Variants in RRAS2 observed in about 807,000 individuals in gnomAD.
The protein encoded by RRAS2 is ras-related protein R-Ras2.
RRAS2 carries 7 observed loss-of-function variants against 27.6 expected under a neutral mutation model. The ratio of observed to expected loss-of-function variants is 0.25; its 90% CI spans 0.14 to 0.48. The LOEUF (loss-of-function observed/expected upper bound fraction) is 0.48, where lower values mean the gene tolerates loss of function less well. Among genes scored for constraint, RRAS2 ranks in the 20% least tolerant of loss-of-function variants. RRAS2 has a pLI of 0.99. For missense variants in RRAS2, 178 were observed against 256.2 expected, an observed-to-expected ratio of 0.69 and a Z score of 2.08; for synonymous variants, 86 against 90.9, an observed-to-expected ratio of 0.95 and a Z score of 0.31.
At chr11:14,313,908 A>G (rs1453802432) in intron 1 of RRAS2, among the ~76,000 whole-genome samples, 1 of 152,216 alleles carries the variant, frequency 6.6e-6, no homozygotes, top group Admixed American at 6.5e-5. Flanking sequence ...ACACATCTAA[A>G]ATAGTCATTT....
intron 1 of RRAS2, among the ~76,000 whole-genome samples, chr11:14,319,927 CAACTA>C (rs1848190439): frequency 6.6e-6 from 1 of 152,076 alleles, no homozygotes. Flanking sequence ...CGTTATAAAA[CAACTA>C]AACAACTCAA....
intron 1 of RRAS2, chr11:14,337,223 T>C (rs1459697999): frequency 6.6e-6 from 1 of 152,268 alleles, no homozygotes; most frequent in East Asian, 1.9e-4. Flanking sequence ...AGTAGCCTGA[T>C]GAAATCTCAC....
At chr11:14,329,007 GTGTGTA>G (rs1299939645) in intron 1 of RRAS2, among the ~76,000 whole-genome samples, 132 of 55,386 alleles carry the variant, frequency 2.4e-3, no homozygotes, top group African/African-American at 5.8e-3. Context: ...GTGTGTGTGT[GTGTGTA>G]TATATATATA....
intron 4 of RRAS2, among the ~76,000 whole-genome samples, chr11:14,293,124 A>AATTATATATATATATATATAT (rs1847451804): frequency 1.3e-5 from 1 of 76,822 alleles, no homozygotes; most frequent in African/African-American, 6.3e-5. Flanking sequence ...AAACAAAACA[A>AATTATATATATATATATATAT]ATATATATAT....
At chr11:14,280,687 C>A (rs1849503270) in intron 5 of RRAS2, among the ~76,000 whole-genome samples, 1 of 128,668 alleles carries the variant, frequency 7.8e-6, no homozygotes. Flanking sequence ...GATCACACCA[C>A]TGCACTCCAG....
chr11:14,358,902 C>T lies in RRAS2; in HGVS notation c.-32G>A, dbSNP rs1849141841. On this transcript the variant is annotated 5_prime_UTR_variant, in exon 1 of 6. Transcript: ENST00000256196. The surrounding 1 kb of genome is among the most constrained non-coding windows in gnomAD (Gnocchi z 5.1). Reference sequence around the variant, plus strand: ...GCTACAGAGCCCAGCCTGACTGCGCCGAGCCGCCGCTGCCGCCCGCCCTAG... The same window carrying T: ...GCTACAGAGCCCAGCCTGACTGCGCTGAGCCGCCGCTGCCGCCCGCCCTAG... 1.5e-6 allele frequency: 2 copies of T among 1,336,392 alleles called. No individual in the cohort carries two copies. The highest frequency in any genetic ancestry group is 3.4e-5 in the South Asian group (2 of 59,664). The allele number at this position is 1,336,392 out of a possible 1,614,324, so 82.8% of individuals were successfully genotyped here. A position where few individuals can be genotyped will look rare whatever the true frequency, so the allele number is the denominator to read the frequency against.
At chr11:14,298,768 C>A (rs1847624747) in intron 1 of RRAS2, among the ~76,000 whole-genome samples, 1 of 128,772 alleles carries the variant, frequency 7.8e-6, no homozygotes, top group African/African-American at 2.8e-5. Context: ...ACTCTGGGAA[C>A]TGCCTATCAT....
At chr11:14,312,812 T>C (rs1190662053) in intron 1 of RRAS2, among the ~76,000 whole-genome samples, 1 of 152,240 alleles carries the variant, frequency 6.6e-6, no homozygotes, top group Non-Finnish European at 1.5e-5. Flanking sequence ...CCTGTATCAC[T>C]GTTGTTTTAC....
At chr11:14,345,351 A>C (rs546398444) in intron 1 of RRAS2, among the ~76,000 whole-genome samples, 159 of 152,338 alleles carry the variant, frequency 1.0e-3, no homozygotes, top group African/African-American at 3.5e-3. Context: ...CTGTGTAACA[A>C]AGGTATTCCT....
At chr11:14,353,984 T>C (rs777930289) in intron 1 of RRAS2, among the ~76,000 whole-genome samples, 4 of 152,218 alleles carry the variant, frequency 2.6e-5, no homozygotes, top group Non-Finnish European at 2.9e-5. Flanking sequence ...AGTTTCAAAA[T>C]AATAGATAAA....
intron 4 of RRAS2, 36 bp from the exon 5 acceptor site, chr11:14,281,756 T>G: frequency 6.6e-7 from 1 of 1,511,316 alleles, no homozygotes; most frequent in South Asian, 1.2e-5. Flanking sequence ...GGTACATTAT[T>G]AACAACTGGA....
intron 1 of RRAS2, among the ~76,000 whole-genome samples, chr11:14,344,296 A>C (rs533103647): frequency 6.6e-6 from 1 of 151,770 alleles, no homozygotes; most frequent in African/African-American, 2.4e-5. Context: ...ATCAGACTTA[A>C]CTTTTGTTTC....
intron 2 of RRAS2, among the ~76,000 whole-genome samples, 196 bp downstream of exon 2, chr11:14,295,572 G>A (rs1407552358): frequency 6.6e-6 from 1 of 152,006 alleles, no homozygotes; most frequent in Non-Finnish European, 1.5e-5. Flanking sequence ...TACAAATATC[G>A]TTTTACTTTT....
chr11:14,313,514 T>C (rs1331066592), intron 1 of RRAS2, among the ~76,000 whole-genome samples: 1 of 152,200 alleles, frequency 6.6e-6, no homozygotes, highest in Non-Finnish European at 1.5e-5. Context: ...CTGGTACCTA[T>C]GAATATGACC....
chr11:14,300,145 G>T (rs1382163643), intron 1 of RRAS2, among the ~76,000 whole-genome samples: 1 of 152,190 alleles, frequency 6.6e-6, no homozygotes, highest in Admixed American at 6.5e-5. Context: ...ACACTGAGGG[G>T]AAAGGAAGGG....
chr11:14,310,672 T>C (rs1554948745), intron 1 of RRAS2, among the ~76,000 whole-genome samples: 1 of 152,046 alleles, frequency 6.6e-6, no homozygotes, highest in Non-Finnish European at 1.5e-5. Context: ...TTAAGTAGGG[T>C]GACCATATAA....
At chr11:14,351,879 A>T (rs1295616786) in intron 1 of RRAS2, among the ~76,000 whole-genome samples, 2 of 134,914 alleles carry the variant, frequency 1.5e-5, no homozygotes, top group African/African-American at 5.5e-5. Flanking sequence ...TGGGTGACAG[A>T]GTGAGACTCC....
chr11:14,315,735 A>T (rs1396771699), intron 1 of RRAS2, among the ~76,000 whole-genome samples: 3 of 151,442 alleles, frequency 2.0e-5, no homozygotes, highest in Non-Finnish European at 4.4e-5. Context: ...AAAGTCTACT[A>T]AAAAAAAACT....
At chr11:14,316,287 T>A (rs557525971) in intron 1 of RRAS2, among the ~76,000 whole-genome samples, 1 of 152,212 alleles carries the variant, frequency 6.6e-6, no homozygotes, top group African/African-American at 2.4e-5. Context: ...CTAAAACCAA[T>A]GCTTTCTTGG....
Sources: gnomAD v4.1 joint callset for allele counts (sites outside exome capture counted in the v4.1 genomes callset) on GRCh38, gnomAD v4.1.1 for gene constraint, Gnocchi (gnomAD v3.1) non-coding constraint, MANE v1.5 for transcripts, NCBI Gene and HGNC (gene_info 2026-07-23, HGNC 2026-07-21) for gene names.